Variants in MAGI1 observed in about 807,000 individuals in gnomAD.
MAGI1 encodes the protein membrane-associated guanylate kinase, WW and PDZ domain-containing protein 1.
In MAGI1, 58 loss-of-function variants were observed where a neutral mutation model predicts 139.9. The observed-to-expected ratio is 0.41, with a 90% CI of 0.34 to 0.52. The LOEUF is 0.52. Ranked by LOEUF, MAGI1 falls within the 20% of genes least tolerant of loss-of-function variation. The pLI, the probability that MAGI1 is intolerant of heterozygous loss-of-function variation, is 0.12. For missense variants in MAGI1, 1,874 were observed against 1,901.6 expected, an observed-to-expected ratio of 0.99 and a Z score of 0.27; for synonymous variants, 812 against 737.9, an observed-to-expected ratio of 1.10 and a Z score of -1.63.
chr3:65,937,081 A>G (rs2063100079), intron 1 of MAGI1, among the ~76,000 whole-genome samples: 2 of 152,156 alleles, frequency 1.3e-5, no homozygotes, highest in Non-Finnish European at 2.9e-5. Context: ...ATAGCTTACC[A>G]AGAGCAAACC....
intron 6 of MAGI1, 43 bp downstream of exon 6, chr3:65,453,215 G>A: frequency 1.9e-6 from 3 of 1,555,856 alleles, no homozygotes; most frequent in East Asian, 2.2e-5. Context: ...CATGTGAACA[G>A]TGCCCCCAAT....
intron 2 of MAGI1, among the ~76,000 whole-genome samples, chr3:65,555,011 T>A (rs1477818295): frequency 6.6e-6 from 1 of 152,208 alleles, no homozygotes; most frequent in African/African-American, 2.4e-5. Context: ...TAATAGCCAA[T>A]GTTAATTTCC....
intron 1 of MAGI1, among the ~76,000 whole-genome samples, chr3:65,812,860 C>T (rs1427423312): frequency 6.6e-6 from 1 of 151,390 alleles, no homozygotes; most frequent in Non-Finnish European, 1.5e-5. Flanking sequence ...CAGGCATGCA[C>T]CACCACACCC....
chr3:65,689,914 C>A (rs748400081), intron 1 of MAGI1, among the ~76,000 whole-genome samples: 1 of 152,184 alleles, frequency 6.6e-6, no homozygotes, highest in Non-Finnish European at 1.5e-5. Context: ...ACCCTCCAGG[C>A]ATACGTGTCT....
chr3:65,518,397 G>A (rs972620888), intron 2 of MAGI1, among the ~76,000 whole-genome samples: 1 of 152,188 alleles, frequency 6.6e-6, no homozygotes, highest in African/African-American at 2.4e-5. Context: ...GACTAGCGCA[G>A]GCTAGGCACG....
At chr3:65,395,907 G>C (rs941064803) in intron 13 of MAGI1, among the ~76,000 whole-genome samples, 8 of 152,048 alleles carry the variant, frequency 5.3e-5, no homozygotes, top group African/African-American at 1.9e-4. Context: ...TGGTGGGGAA[G>C]AGGAGTGAAT....
chr3:65,432,240 C>T (rs547751486), intron 10 of MAGI1, among the ~76,000 whole-genome samples: 4 of 152,112 alleles, frequency 2.6e-5, no homozygotes, highest in Non-Finnish European at 4.4e-5. Flanking sequence ...TCTCTTCTAA[C>T]TTTACTTACT....
At chr3:65,839,268 C>T (rs1484417818) in intron 1 of MAGI1, among the ~76,000 whole-genome samples, 1 of 152,100 alleles carries the variant, frequency 6.6e-6, no homozygotes, top group Non-Finnish European at 1.5e-5. Flanking sequence ...TAAAAAAAAC[C>T]TACTGTGCTG....
rs140787779 is a variant in MAGI1 at position 65,379,335 on chromosome 3, C to G, written c.2921G>C (p.Arg974Pro). Residue 974 changes from arginine (R) to proline (P), a missense_variant, in exon 17 of 23, where the codon CGG (arginine) becomes CCG (proline). Transcript: ENST00000402939. ...TVVQPYDVEI[R>P]RGENEGFGFV... ...GCCGAAGCCCTCGTTCTCCCCGCGC[C>G]GGATCTCCACGTCGTAGGGCTGCAC... 3.1e-6 allele frequency: 5 copies of G among 1,613,102 alleles called. No individual in the cohort carries two copies. Among genetic ancestry groups the G allele is most frequent in the Non-Finnish European group, 3.4e-6 (4 of 1,179,636 alleles).
At chr3:65,985,463 T>C (rs935818580) in intron 1 of MAGI1, among the ~76,000 whole-genome samples, 1 of 152,154 alleles carries the variant, frequency 6.6e-6, no homozygotes, top group Non-Finnish European at 1.5e-5. Flanking sequence ...CACCAAGCAA[T>C]TGAGAAAAGC....
chr3:65,812,834 C>T (rs1296848637), intron 1 of MAGI1, among the ~76,000 whole-genome samples: 1 of 150,126 alleles, frequency 6.7e-6, no homozygotes, highest in African/African-American at 2.5e-5. Flanking sequence ...CCTCAGCCTC[C>T]AAGTAGCTGG....
intron 2 of MAGI1, among the ~76,000 whole-genome samples, chr3:65,540,805 T>C (rs534864501): frequency 8.2e-4 from 124 of 152,120 alleles, no homozygotes; most frequent in Non-Finnish European, 1.5e-3. Context: ...TTCTTCCACA[T>C]GGTGACTGCA....
intron 1 of MAGI1, among the ~76,000 whole-genome samples, chr3:65,838,437 C>G (rs1486668135): frequency 3.3e-5 from 5 of 152,228 alleles, no homozygotes; most frequent in Non-Finnish European, 7.3e-5. Flanking sequence ...ATGTTTTCAT[C>G]TCTATAATTT....
chr3:65,689,331 T>G (rs989102286), intron 1 of MAGI1, among the ~76,000 whole-genome samples: 1 of 152,216 alleles, frequency 6.6e-6, no homozygotes, highest in Non-Finnish European at 1.5e-5. Flanking sequence ...AGACCTGAGT[T>G]CCATGTTCCT....
intron 1 of MAGI1, among the ~76,000 whole-genome samples, chr3:65,763,673 TTCCCTAC>T (rs2037224573): frequency 6.6e-6 from 1 of 151,970 alleles, no homozygotes; most frequent in African/African-American, 2.4e-5. Flanking sequence ...GCATAAGCAT[TTCCCTAC>T]ACTAATGGTA....
At chr3:65,840,267 A>AC (rs1392162738) in intron 1 of MAGI1, among the ~76,000 whole-genome samples, 1 of 151,508 alleles carries the variant, frequency 6.6e-6, no homozygotes, top group Non-Finnish European at 1.5e-5. Context: ...GTCTTGCCTT[A>AC]CTACCCTAGC....
At chr3:65,970,790 C>T (rs1439638242) in intron 1 of MAGI1, among the ~76,000 whole-genome samples, 1 of 152,194 alleles carries the variant, frequency 6.6e-6, no homozygotes, top group Non-Finnish European at 1.5e-5. Flanking sequence ...GAGTCAGATA[C>T]ATTAAGTCTC....
At chr3:65,379,976 A>G (rs572359616) in intron 16 of MAGI1, among the ~76,000 whole-genome samples, 16 of 152,304 alleles carry the variant, frequency 1.1e-4, no homozygotes, top group African/African-American at 3.8e-4. Flanking sequence ...GCACGTTCAC[A>G]TTGTCATTAC....
At chr3:65,750,395 C>G (rs2036048507) in intron 1 of MAGI1, among the ~76,000 whole-genome samples, 1 of 152,126 alleles carries the variant, frequency 6.6e-6, no homozygotes, top group South Asian at 2.1e-4. Flanking sequence ...GCATCTCCCT[C>G]TAAGAAAAAA....
Sources: gnomAD v4.1 joint callset for allele counts (sites outside exome capture counted in the v4.1 genomes callset) on GRCh38, gnomAD v4.1.1 for gene constraint, MANE v1.5 for transcripts, NCBI Gene and HGNC (gene_info 2026-07-23, HGNC 2026-07-21) for gene names.